Variants in ARHGAP31 observed in about 807,000 individuals in gnomAD.
ARHGAP31 encodes rho GTPase-activating protein 31.
In ARHGAP31, 34 loss-of-function variants were observed where a neutral mutation model predicts 113.9. That is an observed-to-expected ratio of 0.30 (90% CI 0.23 to 0.40). The LOEUF is 0.40. Among genes scored for constraint, ARHGAP31 ranks in the 10% least tolerant of loss-of-function variants. The pLI is 1.00. For missense variants in ARHGAP31, 1,548 were observed against 1,767.1 expected (o/e 0.88, Z 2.22); for synonymous variants, 650 against 684.8 (o/e 0.95, Z 0.79).
At chr3:119,348,365 C>T (rs1039978756) in intron 1 of ARHGAP31, among the ~76,000 whole-genome samples, 2 of 152,046 alleles carry the variant, frequency 1.3e-5, no homozygotes, top group Non-Finnish European at 2.9e-5. Context: ...TTGTCTTCCA[C>T]GAAACCGGTC....
At position 119,295,337 on chromosome 3, in the gene ARHGAP31, G is replaced by A. The variant is rs75483560; in HGVS notation, c.100+333G>A. Reference sequence around the variant, plus strand: ...TCCCAATCCTAAACTTGGCACGTTGGAAGGGAGGGAGGAGGGGTGGACATG... The same window carrying A: ...TCCCAATCCTAAACTTGGCACGTTGAAAGGGAGGGAGGAGGGGTGGACATG... On this transcript the variant is annotated intron_variant, in intron 1 of 11. Transcript: ENST00000264245. Among the ~76,000 whole-genome samples, 1,488 of 152,034 alleles carry A rather than the reference G, an allele frequency of 9.8e-3. 18 individuals are homozygous for A. Among genetic ancestry groups the A allele is most frequent in the African/African-American group, 0.033 (1,362 of 41,448 alleles).
At chr3:119,329,230 C>T (rs952896944) in intron 1 of ARHGAP31, among the ~76,000 whole-genome samples, 8 of 152,204 alleles carry the variant, frequency 5.3e-5, no homozygotes, top group Non-Finnish European at 1.2e-4. Context: ...ATCATGGTGG[C>T]CAATGGCCAC....
At chr3:119,300,550 T>C (rs2079572110) in intron 1 of ARHGAP31, among the ~76,000 whole-genome samples, 2 of 152,118 alleles carry the variant, frequency 1.3e-5, no homozygotes, top group South Asian at 4.1e-4. Flanking sequence ...CAGCCACAGC[T>C]GGGCATGGTG....
intron 1 of ARHGAP31, among the ~76,000 whole-genome samples, chr3:119,313,590 T>G (rs2079701828): frequency 6.6e-6 from 1 of 152,196 alleles, no homozygotes; most frequent in Non-Finnish European, 1.5e-5. Context: ...GTGAGGGATT[T>G]TGTCTGGTCA....
At chr3:119,314,292 C>G (rs532956648) in intron 1 of ARHGAP31, 4 of 152,256 alleles carry the variant, frequency 2.6e-5, no homozygotes, top group Non-Finnish European at 5.9e-5. Context: ...GGGTGCCTTT[C>G]CTGGTCCTCC....
At chr3:119,338,567 G>A (rs2079979385) in intron 1 of ARHGAP31, among the ~76,000 whole-genome samples, 1 of 152,096 alleles carries the variant, frequency 6.6e-6, no homozygotes, top group African/African-American at 2.4e-5. Flanking sequence ...TGTTTCATAA[G>A]TACAAATTTT....
chr3:119,337,651 C>T (rs774806360), intron 1 of ARHGAP31, among the ~76,000 whole-genome samples: 2 of 152,146 alleles, frequency 1.3e-5, no homozygotes, highest in African/African-American at 2.4e-5. Flanking sequence ...TTACAGAGTG[C>T]TGATTGGTCC....
At chr3:119,337,041 T>C (rs2079957980) in intron 1 of ARHGAP31, among the ~76,000 whole-genome samples, 1 of 152,254 alleles carries the variant, frequency 6.6e-6, no homozygotes, top group Admixed American at 6.5e-5. Context: ...CCACAGTTTA[T>C]CCATTCATCA....
chr3:119,316,374 T>C (rs948649326), intron 1 of ARHGAP31, among the ~76,000 whole-genome samples: 3 of 152,188 alleles, frequency 2.0e-5, no homozygotes, highest in Non-Finnish European at 4.4e-5. Flanking sequence ...AGAACTGTTG[T>C]TTTAGGACTG....
rs71156743 is a variant in ARHGAP31 at position 119,332,635 on chromosome 3, T to TCACACACACA, written c.101-32649_101-32640dup. ...CTCTCTCTCTCTCTCTCTCTCTCTC[T>TCACACACACA]CACACACACACACACACACACACAC... On this transcript the variant is annotated intron_variant, in intron 1 of 11. Transcript: ENST00000264245. Among the ~76,000 whole-genome samples the TCACACACACA allele has an allele frequency of 2.1e-3, 183 of 85,710 alleles. 1 individual carries two copies. Among genetic ancestry groups the TCACACACACA allele is most frequent in the Middle Eastern group, 6.4e-3 (1 of 156 alleles). The allele number at this position is 85,710 out of a possible 152,430, so 56.2% of individuals were successfully genotyped here. A position where few individuals can be genotyped will look rare whatever the true frequency, so the allele number is the denominator to read the frequency against.
At chr3:119,360,952 G>C (rs1044769755) in intron 1 of ARHGAP31, among the ~76,000 whole-genome samples, 2 of 152,216 alleles carry the variant, frequency 1.3e-5, no homozygotes, top group Non-Finnish European at 2.9e-5. Context: ...TGAGCTCTGT[G>C]ACTCTGACCT....
rs1296499232 is a variant in ARHGAP31, at chr3:119,383,771, G to A, written c.682+545G>A. On this transcript the variant is annotated intron_variant, in intron 6 of 11. Transcript: ENST00000264245. ...TGCCAGGCAGTAGGCATACAAAAAT[G>A]ATTGTGTTTGTGGGCATCTTGTAAT... is the stretch of plus-strand genomic sequence containing the variant. Among the ~76,000 whole-genome samples the A allele has an allele frequency of 2.6e-5, 4 of 152,190 alleles. No individual in the cohort carries two copies. The South Asian group carries it at 8.3e-4, about 32-fold the overall frequency.
chr3:119,308,192 ATGC>A (rs1307540435), intron 1 of ARHGAP31, among the ~76,000 whole-genome samples: 1 of 152,206 alleles, frequency 6.6e-6, no homozygotes, highest in Non-Finnish European at 1.5e-5. Context: ...AGACAAGTAA[ATGC>A]TGCTTCCTTT....
At chr3:119,362,897 A>AT (rs2080221957) in intron 1 of ARHGAP31, among the ~76,000 whole-genome samples, 1 of 152,176 alleles carries the variant, frequency 6.6e-6, no homozygotes, top group African/African-American at 2.4e-5. Context: ...ATCAGATTAT[A>AT]CATTTATATT....
At chr3:119,318,180 G>C (rs2079750942) in intron 1 of ARHGAP31, among the ~76,000 whole-genome samples, 1 of 152,104 alleles carries the variant, frequency 6.6e-6, no homozygotes, top group South Asian at 2.1e-4. Context: ...TGAAGTGGGA[G>C]GACTGCTTGA....
At chr3:119,309,143 A>G (rs922685187) in intron 1 of ARHGAP31, among the ~76,000 whole-genome samples, 1 of 152,164 alleles carries the variant, frequency 6.6e-6, no homozygotes, top group African/African-American at 2.4e-5. Context: ...TGCCTGGCCA[A>G]TTAATCCAAT....
chr3:119,380,887 T>C lies in ARHGAP31; in HGVS notation c.349-17T>C. 1.2e-6 allele frequency: 2 copies of C among 1,613,014 alleles called. No individual in the cohort carries two copies. Among genetic ancestry groups the C allele is most frequent in the Non-Finnish European group, 1.7e-6 (2 of 1,179,090 alleles). On this transcript the variant is annotated splice_polypyrimidine_tract_variant and intron_variant, in intron 3 of 11. Coordinates refer to ENST00000264245, the MANE Select transcript of ARHGAP31 (RefSeq NM_020754.4). The stretch of plus-strand genomic sequence containing the variant: ...CTCTCAAGCACTCACCAGGCTGCCT[T>C]GTGTTCTTCTCCACAGGAGGCAGTG...
At chr3:119,327,741 G>A (rs1023817579) in intron 1 of ARHGAP31, among the ~76,000 whole-genome samples, 2 of 152,150 alleles carry the variant, frequency 1.3e-5, no homozygotes, top group Non-Finnish European at 2.9e-5. Context: ...CAGGTCCACA[G>A]GAGCAGAGAA....
At chr3:119,351,534 C>G (rs1251340155) in intron 1 of ARHGAP31, among the ~76,000 whole-genome samples, 1 of 151,984 alleles carries the variant, frequency 6.6e-6, no homozygotes, top group Non-Finnish European at 1.5e-5. Flanking sequence ...AGTAGTAATG[C>G]CTACATCTCA....
Sources: gnomAD v4.1 joint callset for allele counts (sites outside exome capture counted in the v4.1 genomes callset) on GRCh38, gnomAD v4.1.1 for gene constraint, MANE v1.5 for transcripts, NCBI Gene and HGNC (gene_info 2026-07-23, HGNC 2026-07-21) for gene names.